Variants in MAP3K13 observed in about 807,000 individuals in gnomAD.
MAP3K13 encodes mitogen-activated protein kinase kinase kinase 13, also known as leucine zipper-bearing kinase.
Under a neutral mutation model 104.0 loss-of-function variants are expected in MAP3K13, and 52 were observed. That is an observed-to-expected ratio of 0.50 (90% CI 0.40 to 0.63). The LOEUF (loss-of-function observed/expected upper bound fraction) is 0.63, where lower values mean the gene tolerates loss of function less well. Among genes scored for constraint, MAP3K13 ranks in the 20% least tolerant of loss-of-function variants. MAP3K13 has a pLI of 0.00. For synonymous variants in MAP3K13, 394 were observed against 442.2 expected, an observed-to-expected ratio of 0.89 and a Z score of 1.37; for missense variants, 914 against 1,218.5, an observed-to-expected ratio of 0.75 and a Z score of 3.72.
chr3:185,309,512 C>CAAAAAAA (rs66889332), intron 2 of MAP3K13, among the ~76,000 whole-genome samples: 1 of 105,776 alleles, frequency 9.5e-6, no homozygotes, highest in South Asian at 2.9e-4. Flanking sequence ...CCTTGTCTCA[C>CAAAAAAA]AAAAAAAAAA....
intron 2 of MAP3K13, among the ~76,000 whole-genome samples, chr3:185,294,492 G>C (rs1257333217): frequency 1.3e-5 from 2 of 152,202 alleles, no homozygotes; most frequent in South Asian, 2.1e-4. Flanking sequence ...AATGTACATA[G>C]TCCTAGCAAT....
chr3:185,372,747 T>C (rs970562366), intron 1 of MAP3K13, among the ~76,000 whole-genome samples: 4 of 152,220 alleles, frequency 2.6e-5, no homozygotes, highest in African/African-American at 7.2e-5. Context: ...GGCTATGGAA[T>C]GGCTTTAAAA....
chr3:185,397,607 T>C (rs1341102133), intron 1 of MAP3K13, among the ~76,000 whole-genome samples: 2 of 152,356 alleles, frequency 1.3e-5, no homozygotes, highest in East Asian at 3.9e-4. Flanking sequence ...TTATTAATTG[T>C]TTACAAAGAT....
chr3:185,350,906 A>G (rs1214921336), intron 2 of MAP3K13, among the ~76,000 whole-genome samples: 1 of 152,214 alleles, frequency 6.6e-6, no homozygotes, highest in Non-Finnish European at 1.5e-5. Flanking sequence ...TTTCCTAAAG[A>G]CACATACATG....
intron 2 of MAP3K13, among the ~76,000 whole-genome samples, chr3:185,297,778 T>TA (rs1477788196): frequency 6.6e-6 from 1 of 151,586 alleles, no homozygotes. Flanking sequence ...AACAGGTTCT[T>TA]ATGTAGTCAC....
upstream of MAP3K13, among the ~76,000 whole-genome samples, chr3:185,360,081 A>G (rs916807490): frequency 5.9e-5 from 9 of 152,188 alleles, no homozygotes; most frequent in African/African-American, 2.2e-4. Context: ...TTTTCCAGTT[A>G]TTACTGAAGT....
At chr3:185,335,114 C>T (rs546279359) in intron 2 of MAP3K13, among the ~76,000 whole-genome samples, 2 of 151,486 alleles carry the variant, frequency 1.3e-5, no homozygotes, top group East Asian at 1.9e-4. Flanking sequence ...CATAATAGTA[C>T]ATTAAATACA....
chr3:185,385,121 C>T (rs1345034111), intron 1 of MAP3K13, among the ~76,000 whole-genome samples: 1 of 152,044 alleles, frequency 6.6e-6, no homozygotes, highest in Non-Finnish European at 1.5e-5. Context: ...ATAAGAAAAG[C>T]CCAGGACTGG....
intron 13 of MAP3K13, among the ~76,000 whole-genome samples, chr3:185,481,814 G>A (rs538095507): frequency 6.6e-6 from 1 of 152,366 alleles, no homozygotes; most frequent in Admixed American, 6.5e-5. Context: ...ACCGGGCGCA[G>A]TGGCTCATGC....
chr3:185,420,777 T>A (rs967825717), intron 1 of MAP3K13, among the ~76,000 whole-genome samples: 9 of 152,234 alleles, frequency 5.9e-5, no homozygotes, highest in African/African-American at 2.2e-4. Flanking sequence ...CCTCAATTAG[T>A]AACATGGGAA....
At position 185,377,491 on chromosome 3, in the gene MAP3K13, G is replaced by T. The variant is rs188571797; in HGVS notation, c.-86+14123G>T. Among the ~76,000 whole-genome samples, 556 of 152,288 alleles carry T rather than the reference G, an allele frequency of 3.7e-3. 3 individuals are homozygous for T. Among genetic ancestry groups the T allele is most frequent in the African/African-American group, 0.013 (531 of 41,524 alleles). Reference sequence around the variant, plus strand: ...TAGCCCAGGAATAGTCAGGGAAGCAGATAATTTAGTTAAAATGTCTTGACC... The same window carrying T: ...TAGCCCAGGAATAGTCAGGGAAGCATATAATTTAGTTAAAATGTCTTGACC... On this transcript the variant is annotated intron_variant, in intron 1 of 13. Coordinates refer to ENST00000265026, the MANE Select transcript of MAP3K13 (RefSeq NM_004721.5).
chr3:185,381,293 T>C (rs1200678409), intron 1 of MAP3K13, among the ~76,000 whole-genome samples: 1 of 152,190 alleles, frequency 6.6e-6, no homozygotes, highest in Non-Finnish European at 1.5e-5. Flanking sequence ...AGAGTATTGA[T>C]CATAGCATTT....
At chr3:185,376,273 C>T (rs564375887) in intron 1 of MAP3K13, among the ~76,000 whole-genome samples, 7 of 151,984 alleles carry the variant, frequency 4.6e-5, no homozygotes, top group African/African-American at 1.2e-4. Context: ...CTGAAGAAGC[C>T]GGGGAGCAGA....
intron 1 of MAP3K13, among the ~76,000 whole-genome samples, chr3:185,394,833 G>T (rs1039967397): frequency 6.6e-6 from 1 of 152,158 alleles, no homozygotes; most frequent in African/African-American, 2.4e-5. Flanking sequence ...GACTGAACAA[G>T]CAATCTACTG....
intron 1 of MAP3K13, among the ~76,000 whole-genome samples, chr3:185,421,320 C>A (rs1325333324): frequency 6.6e-6 from 1 of 152,118 alleles, no homozygotes; most frequent in African/African-American, 2.4e-5. Flanking sequence ...GCCTCAGCCT[C>A]CCGAGTAGCT....
chr3:185,473,133 A>C lies in MAP3K13; in HGVS notation c.1802A>C (p.Asp601Ala). Reference sequence around the variant, plus strand: ...GGGAATAGCAGAGGCAGCCATAGTGACTTTGCCGCAATCTTGAAAAACCAG... The same window carrying C: ...GGGAATAGCAGAGGCAGCCATAGTGCCTTTGCCGCAATCTTGAAAAACCAG... ...RRGNSRGSHS[D>A]FAAILKNQPA... Residue 601 changes from aspartate (D) to alanine (A), a missense_variant, in exon 11 of 14, where the codon GAC becomes GCC. Physicochemically the swap from Asp to Ala is moderately radical, Grantham distance 126. Transcript: ENST00000265026. The surrounding 1 kb of genome is among the most constrained non-coding windows in gnomAD (Gnocchi z 4.9). 2 of 1,614,150 alleles carry C rather than the reference A, an allele frequency of 1.2e-6. No individual in the cohort carries two copies. Among genetic ancestry groups the C allele is most frequent in the Admixed American group, 3.3e-5 (2 of 60,008 alleles).
chr3:185,483,028 T>C lies in MAP3K13; in HGVS notation c.*572T>C, dbSNP rs118080517. The C allele has an allele frequency of 5.3e-3, 1,222 of 231,980 alleles. 17 individuals are homozygous for C. Among genetic ancestry groups the C allele is most frequent in the Admixed American group, 0.039 (685 of 17,748 alleles). 14.4% of individuals were successfully genotyped at this position (231,980 alleles called of 1,614,324 possible). A position where few individuals can be genotyped will look rare whatever the true frequency, so the allele number is the denominator to read the frequency against. Reference sequence around the variant, plus strand: ...AAGAAAAGCAATTCCAGGCAACTTGTGAACAGACCATATTCACTTCAACCA... The same window carrying C: ...AAGAAAAGCAATTCCAGGCAACTTGCGAACAGACCATATTCACTTCAACCA... On this transcript the variant is annotated 3_prime_UTR_variant, in exon 14 of 14. Transcript: ENST00000265026.
In MAP3K13 at chr3:185,430,204, A is replaced by C. The variant is rs564996480; in HGVS notation, c.475+1148A>C. ...CAGTGAAACTCTGCCTCAAAAAAAA[A>C]AAAATTAAGTTTTTAACTCCCATCA... On this transcript the variant is annotated intron_variant, in intron 2 of 13. Transcript: ENST00000265026. Among the ~76,000 whole-genome samples the C allele has an allele frequency of 7.9e-5, 12 of 152,350 alleles. No homozygotes were observed. The East Asian group carries it at 2.3e-3, about 29-fold the overall frequency.
At chr3:185,291,060 A>G (rs576099001) in intron 2 of MAP3K13, among the ~76,000 whole-genome samples, 21 of 152,240 alleles carry the variant, frequency 1.4e-4, no homozygotes, top group African/African-American at 5.1e-4. Flanking sequence ...TATGTTTTTC[A>G]TTTGAACCTT....
Sources: allele counts gnomAD v4.1 joint callset (sites outside exome capture counted in the v4.1 genomes callset), GRCh38; gene constraint gnomAD v4.1.1; non-coding constraint Gnocchi (gnomAD v3.1); transcripts MANE v1.5; gene names NCBI Gene and HGNC (gene_info 2026-07-23, HGNC 2026-07-21).